Variants in MCOLN2 observed in about 807,000 individuals in gnomAD.
MCOLN2 encodes the protein mucolipin-2.
MCOLN2 carries 57 observed loss-of-function variants against 67.5 expected under a neutral mutation model. The observed-to-expected ratio is 0.84, with a 90% CI of 0.68 to 1.05. The LOEUF (loss-of-function observed/expected upper bound fraction) is 1.05. Ranked by LOEUF, MCOLN2 falls within the 50% of genes least tolerant of loss-of-function variation. The pLI, the probability that MCOLN2 is intolerant of heterozygous loss-of-function variation, is 0.00. For missense variants in MCOLN2, 620 were observed against 678.8 expected (o/e 0.91, Z 0.96); for synonymous variants, 246 against 233.3 (o/e 1.05, Z -0.50).
intron 1 of MCOLN2, among the ~76,000 whole-genome samples, chr1:84,971,542 A>ACACG (rs959494242): frequency 9.2e-5 from 13 of 141,424 alleles, no homozygotes; most frequent in South Asian, 9.1e-4. Flanking sequence ...ACACACACAC[A>ACACG]CACGATATCT....
chr1:84,993,486 G>A (rs1026830734), intron 1 of MCOLN2, among the ~76,000 whole-genome samples: 1 of 152,126 alleles, frequency 6.6e-6, no homozygotes, highest in Admixed American at 6.5e-5. Flanking sequence ...CTATTCCCAT[G>A]AATCATGAAT....
At chr1:84,934,095 T>C (rs929231789) in intron 11 of MCOLN2, among the ~76,000 whole-genome samples, 2 of 152,232 alleles carry the variant, frequency 1.3e-5, no homozygotes, top group Non-Finnish European at 2.9e-5. Context: ...CCTTTGGATC[T>C]TGAGTGATCA....
chr1:84,991,450 C>G (rs960479441), intron 1 of MCOLN2, among the ~76,000 whole-genome samples: 1 of 152,142 alleles, frequency 6.6e-6, no homozygotes, highest in African/African-American at 2.4e-5. Flanking sequence ...ATCTAGCCAA[C>G]TGAGGTTTTG....
chr1:84,928,354 C>A (rs1239649802), intron 13 of MCOLN2, among the ~76,000 whole-genome samples: 2 of 152,130 alleles, frequency 1.3e-5, no homozygotes, highest in African/African-American at 2.4e-5. Flanking sequence ...TTGCTCCTTG[C>A]GTCTCACCAC....
chr1:84,942,146 A>G (rs1647824042), intron 7 of MCOLN2, among the ~76,000 whole-genome samples: 1 of 152,180 alleles, frequency 6.6e-6, no homozygotes, highest in Admixed American at 6.5e-5. Flanking sequence ...AAAATCTCCC[A>G]TCTCAGAAAA....
intron 1 of MCOLN2, among the ~76,000 whole-genome samples, chr1:84,985,669 A>C (rs1490456088): frequency 6.6e-6 from 1 of 152,186 alleles, no homozygotes; most frequent in Non-Finnish European, 1.5e-5. Flanking sequence ...TCAAATAAAG[A>C]ACTCAACCCC....
intron 6 of MCOLN2, among the ~76,000 whole-genome samples, chr1:84,947,677 A>G (rs529008184): frequency 5.3e-5 from 8 of 152,366 alleles, no homozygotes; most frequent in Admixed American, 1.3e-4. Context: ...ATGCTGCCCC[A>G]GAGTGGAAGC....
chr1:84,997,084 T>A lies in MCOLN2; in HGVS notation c.-212A>T, dbSNP rs1571065553. 1 of 578,478 alleles carries A rather than the reference T, an allele frequency of 1.7e-6. No homozygotes were observed. Among genetic ancestry groups the A allele is most frequent in the Admixed American group, 3.1e-5 (1 of 32,048 alleles). 35.8% of individuals were successfully genotyped at this position (578,478 alleles called of 1,614,324 possible). ...CGCAGTCGTGGAGTGCGGCGGGCAG[T>A]TCTCGGGCGGCTGAAAGGCGGCTCT... On this transcript the variant is annotated 5_prime_UTR_variant, in exon 1 of 14. Transcript: ENST00000370608.
chr1:84,990,018 C>T lies in MCOLN2; in HGVS notation c.77+6778G>A, dbSNP rs187133983. ...TGACTTAAGAATCAAACTTCTGGGC[C>T]GGGCGTGGTGGCTCACACCTGTAAT... On this transcript the variant is annotated intron_variant, in intron 1 of 13. Transcript: ENST00000370608. 2.3e-3 allele frequency among the ~76,000 whole-genome samples: 345 copies of T among 152,084 alleles called. 1 individual carries two copies. Among genetic ancestry groups the T allele is most frequent in the Non-Finnish European group, 3.5e-3 (241 of 67,992 alleles).
chr1:84,965,491 GAA>G lies in MCOLN2; in HGVS notation c.237+56_237+57del, dbSNP rs543833632. On this transcript the variant is annotated intron_variant, in intron 2 of 13. Coordinates refer to ENST00000370608, the MANE Select transcript of MCOLN2 (RefSeq NM_153259.4). ...AACAAAAGTCAAGTACAGAACACATGAAAAGAGTTTTGTCTTGTGGTAAGGGA... is the reference window on the plus strand; with the variant it reads ...AACAAAAGTCAAGTACAGAACACATGAAGAGTTTTGTCTTGTGGTAAGGGA... 7.4e-4 allele frequency: 1,155 copies of G among 1,562,352 alleles called. 2 individuals carry two copies. The highest frequency in any genetic ancestry group is 2.2e-3 in the Middle Eastern group (13 of 5,790).
chr1:84,926,553 CTG>C lies in MCOLN2; in HGVS notation c.*130_*131del. 1 of 538,510 alleles carries C rather than the reference CTG, an allele frequency of 1.9e-6. No individual in the cohort carries two copies. Among genetic ancestry groups the C allele is most frequent in the Non-Finnish European group, 3.2e-6 (1 of 311,142 alleles). 33.4% of individuals were successfully genotyped at this position (538,510 alleles called of 1,614,324 possible). A position where few individuals can be genotyped will look rare whatever the true frequency, so the allele number is the denominator to read the frequency against. ...ACTTCAGTCATGGTCAGCTGGCTAA[CTG>C]TGAGTCCTCTTTCCCACTCCACAAT... is the stretch of plus-strand genomic sequence containing the variant. On this transcript the variant is annotated 3_prime_UTR_variant, in exon 14 of 14. Transcript: ENST00000370608.
chr1:84,983,177 T>A (rs1314338097), intron 1 of MCOLN2, among the ~76,000 whole-genome samples: 1 of 152,214 alleles, frequency 6.6e-6, no homozygotes, highest in Non-Finnish European at 1.5e-5. Flanking sequence ...AACCCAAATC[T>A]GTGTGGCTCT....
At chr1:84,941,421 C>T (rs761146414) in intron 7 of MCOLN2, among the ~76,000 whole-genome samples, 4 of 152,124 alleles carry the variant, frequency 2.6e-5, no homozygotes, top group South Asian at 2.1e-4. Flanking sequence ...GGCATGAAGC[C>T]GGGAGGCAGA....
At chr1:84,930,108 C>A (rs1204423470) in intron 12 of MCOLN2, among the ~76,000 whole-genome samples, 1 of 151,898 alleles carries the variant, frequency 6.6e-6, no homozygotes, top group African/African-American at 2.4e-5. Flanking sequence ...ACAAAAAATA[C>A]AAAAATTTTC....
At chr1:84,929,059 C>G (rs1027976959) in intron 13 of MCOLN2, among the ~76,000 whole-genome samples, 8 of 152,148 alleles carry the variant, frequency 5.3e-5, no homozygotes, top group African/African-American at 1.7e-4. Context: ...CTCTACATGT[C>G]CTGACGAACA....
At chr1:84,931,686 T>C in intron 11 of MCOLN2, 118 bp from the exon 12 acceptor site, 1 of 817,310 alleles carries the variant, frequency 1.2e-6, no homozygotes, top group Non-Finnish European at 2.0e-6. Context: ...AACTTACTTA[T>C]TTTAAGATGC....
intron 11 of MCOLN2, among the ~76,000 whole-genome samples, chr1:84,931,804 T>A (rs1284765831): frequency 6.6e-6 from 1 of 151,980 alleles, no homozygotes; most frequent in Non-Finnish European, 1.5e-5. Context: ...GGTTGGAGGA[T>A]CACTTGAGCC....
chr1:84,936,440 G>C (rs550660628), intron 11 of MCOLN2, among the ~76,000 whole-genome samples: 24 of 152,288 alleles, frequency 1.6e-4, no homozygotes, highest in African/African-American at 5.5e-4. Flanking sequence ...AGCTTTCAGA[G>C]CATGAGGCAA....
intron 1 of MCOLN2, among the ~76,000 whole-genome samples, chr1:84,976,631 T>C (rs1463271105): frequency 6.6e-6 from 1 of 152,104 alleles, no homozygotes; most frequent in South Asian, 2.1e-4. Context: ...CCAGGCATGG[T>C]GGCGCAGGCC....
Sources: allele counts gnomAD v4.1 joint callset (sites outside exome capture counted in the v4.1 genomes callset), GRCh38; gene constraint gnomAD v4.1.1; transcripts MANE v1.5; gene names NCBI Gene and HGNC (gene_info 2026-07-23, HGNC 2026-07-21).